PCDH11Y: variants seen among roughly 807,000 people sequenced by gnomAD.
The protein encoded by PCDH11Y is protocadherin-11 Y-linked.
For missense variants in PCDH11Y, 12 were observed against 224.8 expected (o/e 0.05, Z 6.05); for synonymous variants, 9 against 83.6 (o/e 0.11, Z 4.87).
intron 3 of PCDH11Y, among the ~76,000 whole-genome samples, chrY:5,504,139 T>C: frequency 3.7e-5 from 1 of 27,115 alleles, no homozygotes; most frequent in Non-Finnish European, 8.8e-5. Context: ...TAAAATTTGC[T>C]AGAGGGATTT....
intron 2 of PCDH11Y, among the ~76,000 whole-genome samples, chrY:5,367,408 C>G: frequency 3.2e-4 from 4 of 12,646 alleles, no homozygotes; most frequent in South Asian, 5.2e-3. Flanking sequence ...GACGGAGTCT[C>G]GCTCTGTCGC....
chrY:5,688,087 T>C, intron 4 of PCDH11Y, among the ~76,000 whole-genome samples: 1 of 33,460 alleles, frequency 3.0e-5, no homozygotes, highest in Non-Finnish European at 7.4e-5. Flanking sequence ...ATGTAAAATT[T>C]ACGTAGTTGT....
chrY:5,567,084 A>T (rs2053435869), intron 3 of PCDH11Y, among the ~76,000 whole-genome samples: 3 of 31,755 alleles, frequency 9.4e-5, no homozygotes, highest in African/African-American at 3.7e-4. Context: ...TTTTTATGGT[A>T]CGACATACAG....
chrY:5,631,177 TA>T (rs2053512003), intron 4 of PCDH11Y, among the ~76,000 whole-genome samples: 1 of 25,257 alleles, frequency 4.0e-5, no homozygotes, highest in Non-Finnish European at 8.9e-5. Flanking sequence ...TATGGATTCT[TA>T]TAAAATGATG....
At chrY:5,655,323 AT>A in intron 4 of PCDH11Y, among the ~76,000 whole-genome samples, 1 of 28,013 alleles carries the variant, frequency 3.6e-5, no homozygotes, top group Admixed American at 3.4e-4. Flanking sequence ...TCTTTTTTCT[AT>A]TTTTTTCTCT....
intron 2 of PCDH11Y, among the ~76,000 whole-genome samples, chrY:5,478,465 C>A: frequency 3.0e-5 from 1 of 32,820 alleles, no homozygotes; most frequent in African/African-American, 1.2e-4. Flanking sequence ...AGAATAAGTG[C>A]TATGTAGGTG....
chrY:5,670,281 T>A, intron 4 of PCDH11Y, among the ~76,000 whole-genome samples: 1 of 32,974 alleles, frequency 3.0e-5, no homozygotes, highest in African/African-American at 1.2e-4. Flanking sequence ...GGAGTGCAAA[T>A]GTCTCTTTGA....
chrY:5,483,775 T>A, intron 2 of PCDH11Y, among the ~76,000 whole-genome samples: 1 of 32,425 alleles, frequency 3.1e-5, no homozygotes, highest in East Asian at 8.1e-4. Context: ...AATATGCTAT[T>A]TTTTGTGATA....
intron 2 of PCDH11Y, among the ~76,000 whole-genome samples, chrY:5,144,866 A>G: frequency 7.5e-5 from 2 of 26,762 alleles, no homozygotes; most frequent in Non-Finnish European, 1.7e-4. Context: ...TGTATATTCT[A>G]TGGGTTTGGA....
chrY:5,430,157 A>C, intron 2 of PCDH11Y, among the ~76,000 whole-genome samples: 1 of 35,218 alleles, frequency 2.8e-5, no homozygotes, highest in Admixed American at 2.5e-4. Context: ...TATTACTTAC[A>C]TTAATAGAAA....
At chrY:5,161,729 T>G in intron 2 of PCDH11Y, among the ~76,000 whole-genome samples, 1 of 32,722 alleles carries the variant, frequency 3.1e-5, no homozygotes, top group Non-Finnish European at 7.5e-5. Context: ...TAAAAACTAC[T>G]TGAACATTTT....
chrY:5,384,532 A>G (rs2053209052), intron 2 of PCDH11Y, among the ~76,000 whole-genome samples: 1 of 31,494 alleles, frequency 3.2e-5, no homozygotes, highest in East Asian at 8.2e-4. Flanking sequence ...TTTAGAGTAT[A>G]AAGGGAAATT....
At chrY:5,179,235 C>G in intron 2 of PCDH11Y, among the ~76,000 whole-genome samples, 6 of 33,375 alleles carry the variant, frequency 1.8e-4, no homozygotes, top group African/African-American at 3.5e-4. Flanking sequence ...CTAATTTACA[C>G]TCACACCAAC....
At chrY:5,123,465 T>C in intron 2 of PCDH11Y, among the ~76,000 whole-genome samples, 4 of 31,929 alleles carry the variant, frequency 1.3e-4, no homozygotes, top group African/African-American at 4.9e-4. Context: ...AGTGGCCTGA[T>C]TGGAATTTTA....
chrY:5,498,426 C>CT (rs2053348328), intron 2 of PCDH11Y, among the ~76,000 whole-genome samples: 1 of 34,682 alleles, frequency 2.9e-5, no homozygotes, highest in Non-Finnish European at 7.2e-5. Flanking sequence ...TACTCTGAGA[C>CT]TTTAGAGTTG....
At chrY:5,016,514 G>T in intron 1 of PCDH11Y, among the ~76,000 whole-genome samples, 2 of 32,886 alleles carry the variant, frequency 6.1e-5, no homozygotes, top group East Asian at 1.6e-3. Flanking sequence ...ATAGTAAAAC[G>T]GTGACTCTTT....
At chrY:5,483,115 A>G (rs2124686065) in intron 2 of PCDH11Y, among the ~76,000 whole-genome samples, 7 of 31,970 alleles carry the variant, frequency 2.2e-4, no homozygotes, top group Admixed American at 1.8e-3. Flanking sequence ...TGTACTTTTA[A>G]TTCAACAGAT....
chrY:5,602,476 G>C, intron 4 of PCDH11Y, among the ~76,000 whole-genome samples: 2 of 32,761 alleles, frequency 6.1e-5, no homozygotes, highest in Non-Finnish European at 1.5e-4. Context: ...ATTAGGCTTG[G>C]GGAAGAGAAT....
chrY:5,297,159 A>ATGTC (rs2053075755), intron 2 of PCDH11Y, among the ~76,000 whole-genome samples: 1 of 33,061 alleles, frequency 3.0e-5, no homozygotes, highest in Admixed American at 2.7e-4. Context: ...TAGAAATACC[A>ATGTC]TGTCGGAGCT....
Sources: allele counts gnomAD v4.1 joint callset (sites outside exome capture counted in the v4.1 genomes callset), GRCh38; gene constraint gnomAD v4.1.1; transcripts MANE v1.5; gene names NCBI Gene and HGNC (gene_info 2026-07-23, HGNC 2026-07-21).